CFAP77: variants seen among roughly 807,000 people sequenced by gnomAD.
The protein encoded by CFAP77 is cilia- and flagella-associated protein 77.
A neutral mutation model predicts 31.1 loss-of-function variants in CFAP77; 25 were observed. The ratio of observed to expected loss-of-function variants is 0.80; its 90% confidence interval spans 0.59 to 1.12. The LOEUF (loss-of-function observed/expected upper bound fraction) is 1.12. Ranked by LOEUF, CFAP77 falls within the 50% of genes most tolerant of loss-of-function variation. The pLI, the probability that CFAP77 is intolerant of heterozygous loss-of-function variation, is 0.00. For synonymous variants in CFAP77, 151 were observed against 159.9 expected (o/e 0.94, Z 0.42); for missense variants, 377 against 397.3 (o/e 0.95, Z 0.44).
Position 132,572,955 on chromosome 9 carries a change from T to C in CFAP77, c.*445T>C, listed in dbSNP as rs1298641038. Reference sequence around the variant, plus strand: ...AAGCCCTCATTTTCTATTCCAAACATGAGTTTTAATTGCTCTTTTTGGGAT... The same window carrying C: ...AAGCCCTCATTTTCTATTCCAAACACGAGTTTTAATTGCTCTTTTTGGGAT... On this transcript the variant is annotated 3_prime_UTR_variant, in exon 6 of 6. Transcript: ENST00000393216. 1 of 160,990 alleles carries C rather than the reference T, an allele frequency of 6.2e-6. No homozygotes were observed. The allele number at this position is 160,990 out of a possible 1,614,324, so 10.0% of individuals were successfully genotyped here.
chr9:132,507,617 A>T (rs975582779), intron 3 of CFAP77, among the ~76,000 whole-genome samples: 5 of 152,144 alleles, frequency 3.3e-5, no homozygotes, highest in Non-Finnish European at 7.3e-5. Context: ...GATATATTTT[A>T]CAAATTTACA....
At chr9:132,521,032 G>T (rs940995851) in intron 3 of CFAP77, among the ~76,000 whole-genome samples, 1 of 152,256 alleles carries the variant, frequency 6.6e-6, no homozygotes, top group African/African-American at 2.4e-5. Flanking sequence ...TCTGAGAGCA[G>T]CAGATCTCCC....
intron 4 of CFAP77, among the ~76,000 whole-genome samples, chr9:132,540,341 A>G (rs1852619236): frequency 6.6e-6 from 1 of 152,066 alleles, no homozygotes; most frequent in South Asian, 2.1e-4. Context: ...AGAGCCCCCA[A>G]AACAGCTCGT....
chr9:132,564,877 C>T lies in CFAP77; in HGVS notation c.733-7511C>T, dbSNP rs560710229. Among the ~76,000 whole-genome samples, 2 of 152,274 alleles carry T rather than the reference C, an allele frequency of 1.3e-5. No individual in the cohort carries two copies. The highest frequency in any genetic ancestry group is 6.5e-5 in the Admixed American group (1 of 15,296). ...AAGTGAGACCTCCGTTCAGGGACTG[C>T]GGTGCTGAGGAAGGGGCCTGCTGTC... On this transcript the variant is annotated intron_variant, in intron 5 of 5. Transcript: ENST00000393216. This position sits in a 1 kb window ranked among gnomAD's most constrained non-coding sequence, Gnocchi z 4.6.
rs908725452 is a variant in CFAP77 at position 132,481,962 on chromosome 9, G to A, written c.196-16733G>A. ...GGAAGGAACAAGGGTTTATGGTTGG[G>A]GGGGGGGGGGGCGGCGGAACACTGA... On this transcript the variant is annotated intron_variant, in intron 1 of 5. Transcript: ENST00000393216. The surrounding 1 kb of genome is among the most constrained non-coding windows in gnomAD (Gnocchi z 5.0). Among the ~76,000 whole-genome samples the A allele has an allele frequency of 2.3e-5, 2 of 87,356 alleles. No individual in the cohort carries two copies. Among genetic ancestry groups the A allele is most frequent in the East Asian group, 7.4e-4 (1 of 1,346 alleles). 57.3% of individuals were successfully genotyped at this position (87,356 alleles called of 152,430 possible).
rs116540589 is a variant in CFAP77 at position 132,463,373 on chromosome 9, T to C, written c.196-35322T>C. 5.4e-3 allele frequency among the ~76,000 whole-genome samples: 820 copies of C among 152,264 alleles called. 7 individuals are homozygous for C. The highest frequency in any genetic ancestry group is 0.018 in the African/African-American group (742 of 41,538). On this transcript the variant is annotated intron_variant, in intron 1 of 5. Coordinates refer to ENST00000393216, the MANE Select transcript of CFAP77 (RefSeq NM_001282957.2). ...GAAATGGCCATTGCCTGGGATGCTATCTGGGGGCAGAAGCTTATTTTATGG... is the reference window on the plus strand; with the variant it reads ...GAAATGGCCATTGCCTGGGATGCTACCTGGGGGCAGAAGCTTATTTTATGG...
intron 1 of CFAP77, among the ~76,000 whole-genome samples, chr9:132,434,858 G>T (rs1850475657): frequency 6.6e-6 from 1 of 152,152 alleles, no homozygotes; most frequent in Admixed American, 6.6e-5. Flanking sequence ...TTCCAGCATG[G>T]CCACTCTGTC....
At chr9:132,483,656 C>A (rs1191652894) in intron 1 of CFAP77, among the ~76,000 whole-genome samples, 1 of 152,170 alleles carries the variant, frequency 6.6e-6, no homozygotes, top group Non-Finnish European at 1.5e-5. Context: ...CCCCAGCTCC[C>A]ACCATACTGT....
At chr9:132,471,370 G>A (rs1015458510) in intron 1 of CFAP77, among the ~76,000 whole-genome samples, 5 of 152,028 alleles carry the variant, frequency 3.3e-5, no homozygotes, top group Non-Finnish European at 5.9e-5. Flanking sequence ...GTCATCTTGG[G>A]GCACCCTGCC....
At chr9:132,434,991 A>G (rs1334710133) in intron 1 of CFAP77, among the ~76,000 whole-genome samples, 1 of 152,210 alleles carries the variant, frequency 6.6e-6, no homozygotes, top group Non-Finnish European at 1.5e-5. Context: ...AAATCCCAAT[A>G]TTACGCTTGA....
intron 5 of CFAP77, among the ~76,000 whole-genome samples, chr9:132,547,899 C>T (rs1589919879): frequency 1.3e-5 from 2 of 152,170 alleles, no homozygotes; most frequent in African/African-American, 4.8e-5. Flanking sequence ...CCAGGCAGCC[C>T]TCCCTGGGGC....
At chr9:132,558,141 A>T (rs1008725896) in intron 5 of CFAP77, among the ~76,000 whole-genome samples, 2 of 152,194 alleles carry the variant, frequency 1.3e-5, no homozygotes, top group Non-Finnish European at 2.9e-5. Flanking sequence ...TGCCTTAGAG[A>T]GGTCATGAAA....
At chr9:132,441,880 C>A (rs1369262413) in intron 1 of CFAP77, among the ~76,000 whole-genome samples, 1 of 152,186 alleles carries the variant, frequency 6.6e-6, no homozygotes, top group African/African-American at 2.4e-5. Flanking sequence ...GAGTCTCAGC[C>A]CCCACCCCAG....
chr9:132,537,083 A>G (rs186879047), intron 3 of CFAP77, among the ~76,000 whole-genome samples: 1 of 152,308 alleles, frequency 6.6e-6, no homozygotes, highest in East Asian at 1.9e-4. Context: ...TCCAGATACA[A>G]CAGAAGTGGG....
chr9:132,472,666 C>T (rs1033986513), intron 1 of CFAP77, among the ~76,000 whole-genome samples: 22 of 152,160 alleles, frequency 1.4e-4, no homozygotes, highest in Admixed American at 2.6e-4. Context: ...ATGCAGGAGG[C>T]TGTGGCGGGA....
intron 1 of CFAP77, among the ~76,000 whole-genome samples, chr9:132,425,469 A>G (rs1305415738): frequency 6.6e-6 from 1 of 151,976 alleles, no homozygotes; most frequent in East Asian, 1.9e-4. Flanking sequence ...TGACTATGGT[A>G]ATCAATCTAG....
chr9:132,477,550 C>T (rs1187295622), intron 1 of CFAP77, among the ~76,000 whole-genome samples: 1 of 152,166 alleles, frequency 6.6e-6, no homozygotes, highest in South Asian at 2.1e-4. Flanking sequence ...CAGGGGTCAG[C>T]AGGGGTCAAG....
At position 132,554,905 on chromosome 9, in the gene CFAP77, C is replaced by G. The variant is rs1164165182; in HGVS notation, c.732+11858C>G. Among the ~76,000 whole-genome samples the G allele has an allele frequency of 7.0e-6, 1 of 143,670 alleles. No homozygotes were observed. Among genetic ancestry groups the G allele is most frequent in the Admixed American group, 7.0e-5 (1 of 14,266 alleles). 94.3% of individuals were successfully genotyped at this position (143,670 alleles called of 152,430 possible). On this transcript the variant is annotated intron_variant, in intron 5 of 5. Coordinates refer to ENST00000393216, the MANE Select transcript of CFAP77 (RefSeq NM_001282957.2). This position sits in a 1 kb window ranked among gnomAD's most constrained non-coding sequence, Gnocchi z 4.1. ...CTATCCAACCATCTATCTATCCATCCATCTATGCATGCATGCATGCATCCA... is the reference window on the plus strand; with the variant it reads ...CTATCCAACCATCTATCTATCCATCGATCTATGCATGCATGCATGCATCCA...
At chr9:132,452,571 T>C (rs891677032) in intron 1 of CFAP77, among the ~76,000 whole-genome samples, 1 of 152,196 alleles carries the variant, frequency 6.6e-6, no homozygotes, top group Non-Finnish European at 1.5e-5. Context: ...AAGGTGGCTT[T>C]TCTGTTTTAC....
Sources: allele counts gnomAD v4.1 joint callset (sites outside exome capture counted in the v4.1 genomes callset), GRCh38; gene constraint gnomAD v4.1.1; non-coding constraint Gnocchi (gnomAD v3.1); transcripts MANE v1.5; gene names NCBI Gene and HGNC (gene_info 2026-07-23, HGNC 2026-07-21).